CORO1C: variants seen among roughly 807,000 people sequenced by gnomAD.
The protein encoded by CORO1C is coronin 1C.
CORO1C carries 14 observed loss-of-function variants against 51.2 expected under a neutral mutation model. The ratio of observed to expected loss-of-function variants is 0.27; its 90% CI spans 0.18 to 0.43. CORO1C has a LOEUF of 0.43. Among genes scored for constraint, CORO1C ranks in the 20% least tolerant of loss-of-function variants. CORO1C has a pLI of 1.00. For missense variants in CORO1C, 417 were observed against 607.8 expected (o/e 0.69, Z 3.30); for synonymous variants, 181 against 210.5 (o/e 0.86, Z 1.21).
chr12:108,668,992 T>C (rs532548430), intron 3 of CORO1C, among the ~76,000 whole-genome samples: 69 of 152,298 alleles, frequency 4.5e-4, no homozygotes, highest in African/African-American at 1.5e-3. Context: ...AGGAGTGAAG[T>C]GTAGTTTCTG....
chr12:108,706,735 C>T (rs2136871358), intron 1 of CORO1C, among the ~76,000 whole-genome samples: 1 of 152,228 alleles, frequency 6.6e-6, no homozygotes, highest in South Asian at 2.1e-4. Flanking sequence ...GCCGGGACTA[C>T]ACTGCACCCA....
intron 3 of CORO1C, among the ~76,000 whole-genome samples, chr12:108,677,241 G>A (rs2033940260): frequency 6.6e-6 from 1 of 152,016 alleles, no homozygotes; most frequent in Non-Finnish European, 1.5e-5. Flanking sequence ...AACCTTTTCA[G>A]CCTACTTTGG....
At chr12:108,664,716 C>T (rs1565908055) in intron 3 of CORO1C, among the ~76,000 whole-genome samples, 1 of 152,192 alleles carries the variant, frequency 6.6e-6, no homozygotes, top group Non-Finnish European at 1.5e-5. Context: ...TCCTCCATTA[C>T]TGCATGTTAG....
chr12:108,661,971 C>A (rs892455054), intron 4 of CORO1C, 58 bp downstream of exon 4: 23 of 1,602,866 alleles, frequency 1.4e-5, no homozygotes, highest in East Asian at 2.2e-5. Context: ...TGCTTCCCCC[C>A]ACTCAGAGAG....
intron 1 of CORO1C, among the ~76,000 whole-genome samples, chr12:108,722,563 G>A (rs992970148): frequency 6.6e-6 from 1 of 152,170 alleles, no homozygotes; most frequent in Admixed American, 6.5e-5. Flanking sequence ...AAACTGCTGT[G>A]AATTAAACAG....
chr12:108,685,310 T>C (rs1411978118), intron 2 of CORO1C, among the ~76,000 whole-genome samples: 1 of 152,146 alleles, frequency 6.6e-6, no homozygotes, highest in Admixed American at 6.5e-5. Flanking sequence ...GAGCTCAACA[T>C]TTTCTCTGGA....
chr12:108,661,700 A>G (rs548823776), intron 4 of CORO1C, among the ~76,000 whole-genome samples: 1 of 152,306 alleles, frequency 6.6e-6, no homozygotes, highest in African/African-American at 2.4e-5. Flanking sequence ...CTGGCTCCCA[A>G]CAAAGTACAC....
chr12:108,681,419 T>C lies in CORO1C; in HGVS notation c.196-3025A>G, dbSNP rs575647141. On this transcript the variant is annotated intron_variant, in intron 2 of 10. Transcript: ENST00000261401. ...TTATCTATTCATATCCTAGTGCAATTTAGAACACCTAAAACAAAGAGAAGA... is the reference window on the plus strand; with the variant it reads ...TTATCTATTCATATCCTAGTGCAATCTAGAACACCTAAAACAAAGAGAAGA... 2.6e-5 allele frequency among the ~76,000 whole-genome samples: 4 copies of C among 152,280 alleles called. No homozygotes were observed. The South Asian group carries it at 8.3e-4, about 32-fold the overall frequency.
At chr12:108,696,580 G>A (rs1388940141) in intron 2 of CORO1C, among the ~76,000 whole-genome samples, 2 of 152,120 alleles carry the variant, frequency 1.3e-5, no homozygotes, top group Non-Finnish European at 2.9e-5. Flanking sequence ...TTACACAGAG[G>A]GCTGAAAACC....
rs567517409 is a variant in CORO1C, at chr12:108,706,646, G to A, written c.-5-5323C>T. On this transcript the variant is annotated intron_variant, in intron 1 of 10. Coordinates refer to ENST00000261401, the MANE Select transcript of CORO1C (RefSeq NM_014325.4). Reference sequence around the variant, plus strand: ...GTCTTGCTCTGTCACCCAGGGTGGAGCGCAGTGGTGCAATCTTGGCTCACT... The same window carrying A: ...GTCTTGCTCTGTCACCCAGGGTGGAACGCAGTGGTGCAATCTTGGCTCACT... Among the ~76,000 whole-genome samples the A allele has an allele frequency of 1.4e-4, 22 of 152,104 alleles. No individual in the cohort carries two copies. In the South Asian group the frequency reaches 3.5e-3, roughly 24 times the overall value.
intron 2 of CORO1C, among the ~76,000 whole-genome samples, chr12:108,691,413 G>T (rs931988645): frequency 4.6e-5 from 7 of 152,208 alleles, no homozygotes; most frequent in Admixed American, 1.3e-4. Flanking sequence ...TTATTTCAGA[G>T]TAATGTGTGT....
At chr12:108,655,737 C>A (rs1443517183) in intron 6 of CORO1C, among the ~76,000 whole-genome samples, 1 of 152,056 alleles carries the variant, frequency 6.6e-6, no homozygotes, top group Non-Finnish European at 1.5e-5. Context: ...CTACAACCTC[C>A]ACCTCCCAGC....
chr12:108,649,852 G>C lies in CORO1C; in HGVS notation c.1002-832C>G, dbSNP rs142392542. Among the ~76,000 whole-genome samples, 1,068 of 152,306 alleles carry C rather than the reference G, an allele frequency of 7.0e-3. 15 individuals are homozygous for C. Among genetic ancestry groups the C allele is most frequent in the African/African-American group, 0.024 (1,006 of 41,560 alleles). On this transcript the variant is annotated intron_variant, in intron 8 of 10. Coordinates refer to ENST00000261401, the MANE Select transcript of CORO1C (RefSeq NM_014325.4). ...CCAGATCAAACGGCTGGTGTGCAAG[G>C]GGGGAGTTGAATGTGGGCGTCAATG...
At chr12:108,656,043 G>A (rs1359125541) in intron 6 of CORO1C, among the ~76,000 whole-genome samples, 1 of 151,962 alleles carries the variant, frequency 6.6e-6, no homozygotes, top group Admixed American at 6.5e-5. Flanking sequence ...CCCCGTCTGG[G>A]AGGTTAGGAG....
chr12:108,667,781 A>T (rs1289002775), intron 3 of CORO1C, among the ~76,000 whole-genome samples: 1 of 152,098 alleles, frequency 6.6e-6, no homozygotes, highest in Non-Finnish European at 1.5e-5. Flanking sequence ...GTGGTTCTGG[A>T]AAAAAACAAC....
chr12:108,687,261 C>T lies in CORO1C; in HGVS notation c.196-8867G>A, dbSNP rs146272178. The stretch of plus-strand genomic sequence containing the variant: ...ATAACTTAAATGACTTAGCAAAAAA[C>T]ATTCCTCTTTAGGCACACTAAATTC... On this transcript the variant is annotated intron_variant, in intron 2 of 10. Coordinates refer to ENST00000261401, the MANE Select transcript of CORO1C (RefSeq NM_014325.4). Among the ~76,000 whole-genome samples the T allele has an allele frequency of 1.2e-4, 18 of 152,236 alleles. No individual in the cohort carries two copies. In the East Asian group the frequency reaches 3.5e-3, roughly 29 times the overall value.
intron 8 of CORO1C, chr12:108,649,519 A>G: frequency 5.9e-6 from 1 of 168,528 alleles, no homozygotes; most frequent in Admixed American, 5.5e-5. Context: ...TTCTCATCCT[A>G]GCAAACCACA....
intron 3 of CORO1C, among the ~76,000 whole-genome samples, chr12:108,675,254 G>A (rs929006821): frequency 4.6e-5 from 7 of 152,096 alleles, no homozygotes; most frequent in Non-Finnish European, 7.4e-5. Flanking sequence ...CAGGACTTCC[G>A]AAAGAAATGG....
intron 7 of CORO1C, among the ~76,000 whole-genome samples, chr12:108,653,832 C>A (rs1314663013): frequency 6.6e-6 from 1 of 152,188 alleles, no homozygotes; most frequent in African/African-American, 2.4e-5. Flanking sequence ...CCACAAAGCA[C>A]CATTCTCCTT....
Sources: allele counts gnomAD v4.1 joint callset (sites outside exome capture counted in the v4.1 genomes callset), GRCh38; gene constraint gnomAD v4.1.1; transcripts MANE v1.5; gene names NCBI Gene and HGNC (gene_info 2026-07-23, HGNC 2026-07-21).